The following C2orf68 variants were observed in gnomAD, a reference collection of about 807,000 sequenced individuals.
C2orf68 encodes the protein UPF0561 protein C2orf68.
Under a neutral mutation model 19.1 loss-of-function variants are expected in C2orf68, and 15 were observed. That is an observed-to-expected ratio of 0.79 (90% confidence interval 0.53 to 1.21). C2orf68 has a LOEUF of 1.21. C2orf68 is among the 50% of genes most tolerant of loss of function. The pLI is 0.00. For missense variants in C2orf68, 242 were observed against 226.6 expected, an observed-to-expected ratio of 1.07 and a Z score of -0.44; for synonymous variants, 98 against 91.0, an observed-to-expected ratio of 1.08 and a Z score of -0.44.
rs950167552 is a variant in C2orf68, at chr2:85,608,179, A to C, written c.*766T>G. 6.6e-6 allele frequency: 1 copy of C among 152,348 alleles called. No homozygotes were observed. Among genetic ancestry groups the C allele is most frequent in the East Asian group, 1.9e-4 (1 of 5,190 alleles). 9.4% of individuals were successfully genotyped at this position (152,348 alleles called of 1,614,324 possible). On this transcript the variant is annotated 3_prime_UTR_variant, in exon 4 of 4. Coordinates refer to ENST00000306336, the MANE Select transcript of C2orf68 (RefSeq NM_001013649.4). ...GGCCGAGGCAGGTTTTGCTGTAAGA[A>C]ATCTTTTCAGTTTAGCACCAACATC...
chr2:85,609,767 C>T lies in C2orf68; in HGVS notation c.227-181G>A, dbSNP rs188990834. ...TGCAATCTCGGCTCACTGCAACTTC[C>T]GCTCCCAGGTTCAAGCGATTCTCCT... is the stretch of plus-strand genomic sequence containing the variant. On this transcript the variant is annotated intron_variant, in intron 2 of 3. Coordinates refer to ENST00000306336, the MANE Select transcript of C2orf68 (RefSeq NM_001013649.4). 1.5e-4 allele frequency among the ~76,000 whole-genome samples: 23 copies of T among 150,940 alleles called. No homozygotes were observed. The East Asian group carries it at 3.9e-3, about 26-fold the overall frequency.
chr2:85,606,782 C>G lies in C2orf68; in HGVS notation c.*2163G>C, dbSNP rs1015817925. ...AATGCTGCCTTGCCTTTTACCTCTTCCTTTTTTTTTTTTTTTTGAGATGGA... is the reference window on the plus strand; with the variant it reads ...AATGCTGCCTTGCCTTTTACCTCTTGCTTTTTTTTTTTTTTTTGAGATGGA... On this transcript the variant is annotated 3_prime_UTR_variant, in exon 4 of 4. Transcript: ENST00000306336. 9.9e-5 allele frequency: 15 copies of G among 151,420 alleles called. No individual in the cohort carries two copies. Among genetic ancestry groups the G allele is most frequent in the African/African-American group, 3.4e-4 (14 of 41,214 alleles). 9.4% of individuals were successfully genotyped at this position (151,420 alleles called of 1,614,324 possible). A position where few individuals can be genotyped will look rare whatever the true frequency, so the allele number is the denominator to read the frequency against.
intron 3 of C2orf68, 101 bp from the exon 4 acceptor site, chr2:85,609,168 G>A (rs1218419281): frequency 6.7e-6 from 10 of 1,494,688 alleles, no homozygotes; most frequent in Non-Finnish European, 9.0e-6. Context: ...TTAGCTCAAG[G>A]CTTTTTGCCA....
At position 85,611,699 on chromosome 2, in the gene C2orf68, TGGCTTGCGG is replaced by T. The variant is rs1558840482; in HGVS notation, c.186_194del (p.Arg63_Pro65del). The T allele has an allele frequency of 6.3e-7, 1 of 1,584,338 alleles. No homozygotes were observed. Among genetic ancestry groups the T allele is most frequent in the Admixed American group, 1.8e-5 (1 of 54,624 alleles). Reference sequence around the variant, plus strand: ...GTCGCGGCAGGTACACCTGCAGGTCTGGCTTGCGGGGCCGCGTCGGCGCGGGCGTGTGCC... The same window carrying T: ...GTCGCGGCAGGTACACCTGCAGGTCTGGCCGCGTCGGCGCGGGCGTGTGCC... On this transcript the variant is annotated inframe_deletion, in exon 2 of 4. Coordinates refer to ENST00000306336, the MANE Select transcript of C2orf68 (RefSeq NM_001013649.4).
Position 85,611,689 on chromosome 2 carries a change from C to G in C2orf68, c.205G>C (p.Val69Leu). The change falls in exon 2 of 4, where the codon GTG becomes CTG. Residue 69 changes from valine to leucine, a missense_variant. By Grantham distance (32) the Val-to-Leu change is conservative (BLOSUM62 1). Coordinates refer to ENST00000306336, the MANE Select transcript of C2orf68 (RefSeq NM_001013649.4). ...TCACCTCGGTGTCGCGGCAGGTACA[C>G]CTGCAGGTCTGGCTTGCGGGGCCGC... Reference protein sequence around the residue: ...PTRPRKPDLQVYLPRHRDVSA... With the variant: ...PTRPRKPDLQLYLPRHRDVSA... The G allele has an allele frequency of 6.3e-7, 1 of 1,575,238 alleles. No homozygotes were observed. Among genetic ancestry groups the G allele is most frequent in the South Asian group, 1.2e-5 (1 of 86,804 alleles).
At position 85,611,349 on chromosome 2, in the gene C2orf68, T is replaced by G. The variant is rs575966261; in HGVS notation, c.226+319A>C. ...CATTCCGCAATTATGTGCTGGTCGCTCATCGCTGTGCCAGACTTTCTCTTT... is the reference window on the plus strand; with the variant it reads ...CATTCCGCAATTATGTGCTGGTCGCGCATCGCTGTGCCAGACTTTCTCTTT... On this transcript the variant is annotated intron_variant, in intron 2 of 3. Coordinates refer to ENST00000306336, the MANE Select transcript of C2orf68 (RefSeq NM_001013649.4). 2.1e-5 allele frequency: 30 copies of G among 1,440,800 alleles called. No individual in the cohort carries two copies. The East Asian group carries it at 7.6e-4, about 36-fold the overall frequency. 89.3% of individuals were successfully genotyped at this position (1,440,800 alleles called of 1,614,324 possible).
intron 2 of C2orf68, chr2:85,611,145 C>T: frequency 6.9e-6 from 4 of 578,736 alleles, no homozygotes; most frequent in Non-Finnish European, 9.2e-6. Flanking sequence ...GAGGCTAAGG[C>T]TGCAGTAAGC....
intron 3 of C2orf68, 151 bp from the exon 4 acceptor site, chr2:85,609,218 C>T: frequency 7.7e-7 from 1 of 1,292,688 alleles, no homozygotes; most frequent in Non-Finnish European, 1.1e-6. Context: ...AATAGTGATT[C>T]TCCACTGGGG....
chr2:85,609,565 T>C lies in C2orf68; in HGVS notation c.248A>G (p.Asn83Ser). The change falls in exon 3 of 4, where the codon AAC becomes AGC. Residue 83 changes from asparagine to serine, a missense_variant. Coordinates refer to ENST00000306336, the MANE Select transcript of C2orf68 (RefSeq NM_001013649.4). ...RHRDVSAHPR[N>S]PDYEESGESS... Reference sequence around the variant, plus strand: ...TTCACCGGACTCTTCATAGTCTGGGTTGCGTGGGTGGGCAGAGACATCTGG... The same window carrying C: ...TTCACCGGACTCTTCATAGTCTGGGCTGCGTGGGTGGGCAGAGACATCTGG... 6.2e-7 allele frequency: 1 copy of C among 1,614,172 alleles called. No homozygotes were observed. The highest frequency in any genetic ancestry group is 8.5e-7 in the Non-Finnish European group (1 of 1,180,034).
rs986673834 is a variant in C2orf68 at position 85,609,571 on chromosome 2, G to A, written c.242C>T (p.Pro81Leu). 3 of 1,614,160 alleles carry A rather than the reference G, an allele frequency of 1.9e-6. No homozygotes were observed. Among genetic ancestry groups the A allele is most frequent in the South Asian group, 2.2e-5 (2 of 91,076 alleles). Reference protein sequence around the residue: ...LPRHRDVSAHPRNPDYEESGE... With the variant: ...LPRHRDVSAHLRNPDYEESGE... Reference sequence around the variant, plus strand: ...GGACTCTTCATAGTCTGGGTTGCGTGGGTGGGCAGAGACATCTGGAAGGAT... The same window carrying A: ...GGACTCTTCATAGTCTGGGTTGCGTAGGTGGGCAGAGACATCTGGAAGGAT... Residue 81 changes from proline (P) to leucine (L), a missense_variant, in exon 3 of 4, where the codon CCA (proline) becomes CTA (leucine). Transcript: ENST00000306336.
chr2:85,609,293 A>G (rs1377694654), intron 3 of C2orf68, 142 bp downstream of exon 3: 3 of 1,328,212 alleles, frequency 2.3e-6, no homozygotes, highest in Non-Finnish European at 3.1e-6. Flanking sequence ...TGTGCTCAAA[A>G]GCACTGCCCG....
In C2orf68 at chr2:85,606,367, A is replaced by T. The variant is rs1188731287; in HGVS notation, c.*2578T>A. ...GATGGAAAACACTAATTTTTGAAAG[A>T]AGTAGATGTCTGGAGGCAGGTCTGG... On this transcript the variant is annotated 3_prime_UTR_variant, in exon 4 of 4. Coordinates refer to ENST00000306336, the MANE Select transcript of C2orf68 (RefSeq NM_001013649.4). Among the ~76,000 whole-genome samples the T allele has an allele frequency of 6.6e-6, 1 of 152,198 alleles. No homozygotes were observed. The highest frequency in any genetic ancestry group is 1.5e-5 in the Non-Finnish European group (1 of 68,032).
intron 3 of C2orf68, 82 bp from the exon 4 acceptor site, chr2:85,609,149 G>A: frequency 3.9e-6 from 6 of 1,554,894 alleles, no homozygotes; most frequent in Non-Finnish European, 5.2e-6. Context: ...CACTCTCACA[G>A]AACTCCATTT....
rs1466949150 is a variant in C2orf68, at chr2:85,607,610, C to T, written c.*1335G>A. 3 of 152,164 alleles carry T rather than the reference C, an allele frequency of 2.0e-5. No individual in the cohort carries two copies. Among genetic ancestry groups the T allele is most frequent in the Non-Finnish European group, 4.4e-5 (3 of 68,048 alleles). 9.4% of individuals were successfully genotyped at this position (152,164 alleles called of 1,614,324 possible). ...TTTAATGACAAGATTGAAGTAGCTA[C>T]CTTGCAGGATAGATTTTCTGGGGTA... On this transcript the variant is annotated 3_prime_UTR_variant, in exon 4 of 4. Transcript: ENST00000306336.
chr2:85,609,753 C>T (rs542265997), intron 2 of C2orf68, among the ~76,000 whole-genome samples, 167 bp from the exon 3 acceptor site: 1 of 152,354 alleles, frequency 6.6e-6, no homozygotes, highest in South Asian at 2.1e-4. Context: ...GCAATCTCGG[C>T]TCACTGCAAC....
chr2:85,611,499 C>T (rs1208745258), intron 2 of C2orf68, 169 bp downstream of exon 2: 3 of 1,550,732 alleles, frequency 1.9e-6, no homozygotes, highest in Non-Finnish European at 8.7e-7. Flanking sequence ...CGTCCCAGTT[C>T]TTGGTGAGAA....
At chr2:85,609,197 G>A in intron 3 of C2orf68, 130 bp from the exon 4 acceptor site, 1 of 1,344,026 alleles carries the variant, frequency 7.4e-7, no homozygotes, top group Non-Finnish European at 1.0e-6. Flanking sequence ...CATTTCCTAT[G>A]TGTCTCCTGT....
rs1373081543 is a variant in C2orf68 at position 85,607,353 on chromosome 2, G to A, written c.*1592C>T. 6.6e-6 allele frequency: 1 copy of A among 152,194 alleles called. No individual in the cohort carries two copies. Among genetic ancestry groups the A allele is most frequent in the Non-Finnish European group, 1.5e-5 (1 of 68,034 alleles). 9.4% of individuals were successfully genotyped at this position (152,194 alleles called of 1,614,324 possible). ...AGGCTTTGGAGGGTAGTTAACATTA[G>A]AAGTCAAAAGGCACTTCTAGCCCAG... On this transcript the variant is annotated 3_prime_UTR_variant, in exon 4 of 4. Transcript: ENST00000306336.
At chr2:85,611,642 G>A (rs773111916) in intron 2 of C2orf68, 26 bp downstream of exon 2, 1 of 1,567,234 alleles carries the variant, frequency 6.4e-7, no homozygotes, top group East Asian at 2.3e-5. Flanking sequence ...GCGCGGGCTG[G>A]AGGCAGGCGG....
Sources: gnomAD v4.1 joint callset for allele counts (sites outside exome capture counted in the v4.1 genomes callset) on GRCh38, gnomAD v4.1.1 for gene constraint, MANE v1.5 for transcripts, NCBI Gene and HGNC (gene_info 2026-07-23, HGNC 2026-07-21) for gene names.